Variants in TRPC3 observed in about 807,000 individuals in gnomAD.
The protein encoded by TRPC3 is transient receptor potential cation channel subfamily C member 3, also known as short transient receptor potential channel 3.
Under a neutral mutation model 90.9 loss-of-function variants are expected in TRPC3, and 54 were observed. That is an observed-to-expected ratio of 0.59 (90% CI 0.48 to 0.75). TRPC3 has a LOEUF of 0.75. Ranked by LOEUF, TRPC3 falls within the 30% of genes least tolerant of loss-of-function variation. The probability of loss-of-function intolerance (pLI) is 0.00; values close to 1 mark genes in which losing one functional copy is unlikely to be tolerated. For missense variants in TRPC3, 918 were observed against 1,194.5 expected, an observed-to-expected ratio of 0.77 and a Z score of 3.41; for synonymous variants, 424 against 450.9, an observed-to-expected ratio of 0.94 and a Z score of 0.75.
Position 121,912,083 on chromosome 4 carries a change from A to C in TRPC3, c.1352T>G (p.Ile451Ser). Reference protein sequence around the residue: ...WIAPCSRLGKILRSPFMKFVA... With the variant: ...WIAPCSRLGKSLRSPFMKFVA... ...AAACTTCATAAAAGGGCTTCGCAGAATTTTCCCCAGCTGTAACAAACCAAA... is the reference window on the plus strand; with the variant it reads ...AAACTTCATAAAAGGGCTTCGCAGACTTTTCCCCAGCTGTAACAAACCAAA... The change falls in exon 5 of 12, where the codon ATT becomes AGT. Residue 451 changes from isoleucine (I) to serine (S), a missense_variant. Physicochemically the swap from Ile to Ser is moderately radical, Grantham distance 142. This residue lies in a region of TRPC3 where 609 missense variants were observed against 725.9 expected (regional missense o/e 0.84). Coordinates refer to ENST00000379645, the MANE Select transcript of TRPC3 (RefSeq NM_001130698.2). The C allele has an allele frequency of 6.2e-7, 1 of 1,613,378 alleles. No homozygotes were observed. The highest frequency in any genetic ancestry group is 8.5e-7 in the Non-Finnish European group (1 of 1,179,670).
chr4:121,897,266 G>A (rs1289393616), intron 10 of TRPC3, among the ~76,000 whole-genome samples: 1 of 151,536 alleles, frequency 6.6e-6, no homozygotes. Context: ...AAAAGCAGAA[G>A]TAACAAAAGC....
rs991019125 is a variant in TRPC3 at position 121,917,968 on chromosome 4, T to C, written c.1177-3024A>G. 3.0e-4 allele frequency among the ~76,000 whole-genome samples: 46 copies of C among 152,224 alleles called. 1 individual carries two copies. The highest frequency in any genetic ancestry group is 9.2e-4 in the African/African-American group (38 of 41,458). ...GGAATTGATGGACAAATTTCCCTTT[T>C]GTGAGTGTCTGGTAGCTATCGTTTG... is the stretch of plus-strand genomic sequence containing the variant. On this transcript the variant is annotated intron_variant, in intron 3 of 11. Coordinates refer to ENST00000379645, the MANE Select transcript of TRPC3 (RefSeq NM_001130698.2).
chr4:121,936,848 C>G (rs1160047305), intron 1 of TRPC3, among the ~76,000 whole-genome samples: 1 of 152,022 alleles, frequency 6.6e-6, no homozygotes, highest in Non-Finnish European at 1.5e-5. Flanking sequence ...CTGTGTGTGT[C>G]TTTTTTTTAA....
rs751783998 is a variant in TRPC3, at chr4:121,914,947, A to G, written c.1177-3T>C. On this transcript the variant is annotated splice_polypyrimidine_tract_variant and splice_region_variant and intron_variant, in intron 3 of 11. Transcript: ENST00000379645. ...TGGCAGTTGGGATGAGCCACAAACT[A>G]TTGGGAGAGAGAGAGTTTGAGAAGG... 2 of 1,594,882 alleles carry G rather than the reference A, an allele frequency of 1.3e-6. No individual in the cohort carries two copies. Among genetic ancestry groups the G allele is most frequent in the Non-Finnish European group, 1.7e-6 (2 of 1,165,360 alleles).
intron 10 of TRPC3, among the ~76,000 whole-genome samples, chr4:121,898,883 AC>A (rs1344783573): frequency 9.8e-5 from 15 of 152,288 alleles, no homozygotes; most frequent in African/African-American, 3.6e-4. Flanking sequence ...TAAAAAAAAG[AC>A]TTTGACAATC....
rs565457808 is a variant in TRPC3 at position 121,912,013 on chromosome 4, C to A, written c.1422G>T (p.Val474=). The A allele has an allele frequency of 6.2e-7, 1 of 1,613,774 alleles. No homozygotes were observed. Among genetic ancestry groups the A allele is most frequent in the South Asian group, 1.1e-5 (1 of 91,074 alleles). Residue 474 remains valine (V), a synonymous_variant, in exon 5 of 12, where the codon GTG becomes GTT. Coordinates refer to ENST00000379645, the MANE Select transcript of TRPC3 (RefSeq NM_001130698.2). ...ASFIIFLGLL[V]FNASDRFEGI... is the part of the protein sequence containing the mutation. ...CTTCGAACCTGTCTGAGGCATTGAA[C>A]ACAAGCAGACCCAGGAAGATGATGA...
chr4:121,886,899 T>C (rs1197253167), intron 10 of TRPC3, among the ~76,000 whole-genome samples: 1 of 152,196 alleles, frequency 6.6e-6, no homozygotes, highest in Non-Finnish European at 1.5e-5. Context: ...GCCCTGAATA[T>C]GTGCTCCAAT....
rs1351724863 is a variant in TRPC3, at chr4:121,899,653, G to C, written c.2506C>G (p.His836Asp). 2 of 1,613,570 alleles carry C rather than the reference G, an allele frequency of 1.2e-6. No individual in the cohort carries two copies. The highest frequency in any genetic ancestry group is 1.7e-5 in the Admixed American group (1 of 59,996). ...TQSNSRVFES[H>D]SFNSILNQPT... The stretch of plus-strand genomic sequence containing the variant: ...TGATTGAGAATGCTGTTAAAACTGT[G>C]TGATTCAAAAACTCTTGAGTTAGAC... Residue 836 changes from histidine (H) to aspartate (D), a missense_variant, in exon 10 of 12, where the codon CAC (histidine) becomes GAC (aspartate). Physicochemically the swap from His to Asp is moderately conservative, Grantham distance 81. This residue lies in a region of TRPC3 where 121 missense variants were observed against 135.7 expected (regional missense o/e 0.89). Coordinates refer to ENST00000379645, the MANE Select transcript of TRPC3 (RefSeq NM_001130698.2).
chr4:121,938,645 G>A (rs1242634078), intron 1 of TRPC3, among the ~76,000 whole-genome samples: 1 of 152,114 alleles, frequency 6.6e-6, no homozygotes, highest in Non-Finnish European at 1.5e-5. Flanking sequence ...CTGTTTCATA[G>A]ATAACAAAAC....
chr4:121,911,090 T>TA, intron 5 of TRPC3, among the ~76,000 whole-genome samples: 1 of 152,258 alleles, frequency 6.6e-6, no homozygotes, highest in East Asian at 1.9e-4. Flanking sequence ...GTAGAATTTT[T>TA]AAAAAATGTA....
intron 4 of TRPC3, among the ~76,000 whole-genome samples, chr4:121,912,879 C>T (rs1015426257): frequency 6.6e-6 from 1 of 152,194 alleles, no homozygotes; most frequent in Admixed American, 6.5e-5. Context: ...AAAACCATTC[C>T]TCCTGTCCCA....
intron 2 of TRPC3, 72 bp from the exon 3 acceptor site, chr4:121,925,278 T>C: frequency 6.9e-7 from 1 of 1,454,250 alleles, no homozygotes; most frequent in Non-Finnish European, 9.2e-7. Flanking sequence ...TTGGGTGAAT[T>C]AGAAAAAGGT....
rs1305074971 is a variant in TRPC3, at chr4:121,932,734, A to G, written c.524T>C (p.Ile175Thr). ...LLLKKENLAR[I>T]GDALLLAISK... is the part of the protein sequence containing the mutation. Reference sequence around the variant, plus strand: ...GATGGCGAGCAGCAGGGCGTCGCCAATGCGCGCCAGGTTCTCCTTCTTGAG... The same window carrying G: ...GATGGCGAGCAGCAGGGCGTCGCCAGTGCGCGCCAGGTTCTCCTTCTTGAG... Residue 175 changes from isoleucine (I) to threonine (T), a missense_variant, in exon 2 of 12, where the codon ATT becomes ACT. Ile to Thr is a moderately conservative substitution (Grantham distance 89). Around this residue, in one of 4 missense-constraint regions of TRPC3, gnomAD observed 609 missense variants for 725.9 expected, o/e 0.84. Transcript: ENST00000379645. The surrounding 1 kb of genome is among the most constrained non-coding windows in gnomAD (Gnocchi z 7.7). 6.2e-7 allele frequency: 1 copy of G among 1,613,822 alleles called. No individual in the cohort carries two copies. Among genetic ancestry groups the G allele is most frequent in the Non-Finnish European group, 8.5e-7 (1 of 1,179,878 alleles).
At chr4:121,904,236 G>C in intron 8 of TRPC3, 86 bp downstream of exon 8, 1 of 1,231,996 alleles carries the variant, frequency 8.1e-7, no homozygotes, top group Non-Finnish European at 1.1e-6. Flanking sequence ...ACATGAGCTG[G>C]AGCTCAGCCA....
chr4:121,883,580 C>A (rs533280086), intron 10 of TRPC3, among the ~76,000 whole-genome samples: 24 of 152,224 alleles, frequency 1.6e-4, no homozygotes, highest in African/African-American at 5.8e-4. Flanking sequence ...TAAAAGGAGA[C>A]ACAATTTTAC....
intron 10 of TRPC3, among the ~76,000 whole-genome samples, chr4:121,894,717 C>T (rs1029646549): frequency 6.6e-6 from 1 of 151,922 alleles, no homozygotes; most frequent in African/African-American, 2.4e-5. Context: ...GCATGTGCCA[C>T]TATGCCTGGC....
chr4:121,886,372 T>C (rs542103856), intron 10 of TRPC3, among the ~76,000 whole-genome samples: 2 of 152,028 alleles, frequency 1.3e-5, no homozygotes, highest in East Asian at 1.9e-4. Context: ...TGTAGACAAA[T>C]AGAAAAAAAA....
chr4:121,886,903 C>T (rs1356360474), intron 10 of TRPC3, among the ~76,000 whole-genome samples: 6 of 152,146 alleles, frequency 3.9e-5, no homozygotes, highest in Admixed American at 1.3e-4. Context: ...TGAATATGTG[C>T]TCCAATTCGC....
intron 9 of TRPC3, 99 bp from the exon 10 acceptor site, chr4:121,899,794 C>T: frequency 1.1e-6 from 1 of 897,172 alleles, no homozygotes; most frequent in Non-Finnish European, 1.7e-6. Flanking sequence ...CTGGAGTCAA[C>T]ATTCCCAAGA....
Sources: allele counts gnomAD v4.1 joint callset (sites outside exome capture counted in the v4.1 genomes callset), GRCh38; gene constraint gnomAD v4.1.1; regional missense constraint gnomAD v4.1.1; non-coding constraint Gnocchi (gnomAD v3.1); transcripts MANE v1.5; gene names NCBI Gene and HGNC (gene_info 2026-07-23, HGNC 2026-07-21).